RUSC2: variants seen among roughly 807,000 people sequenced by gnomAD.
The protein encoded by RUSC2 is RUN and SH3 domain containing 2, also known as AP-4 complex accessory subunit RUSC2.
A neutral mutation model predicts 122.2 loss-of-function variants in RUSC2; 34 were observed. The observed-to-expected ratio is 0.28, with a 90% confidence interval of 0.21 to 0.37. The LOEUF (loss-of-function observed/expected upper bound fraction) is 0.37. Ranked by LOEUF, RUSC2 falls within the 10% of genes least tolerant of loss-of-function variation. The probability of loss-of-function intolerance (pLI) is 1.00; values close to 1 mark genes in which losing one functional copy is unlikely to be tolerated. For missense variants in RUSC2, 1,747 were observed against 1,952.4 expected, an observed-to-expected ratio of 0.89 and a Z score of 1.98; for synonymous variants, 784 against 790.0, an observed-to-expected ratio of 0.99 and a Z score of 0.13.
At chr9:35,552,879 T>C (rs1259787987) in intron 2 of RUSC2, among the ~76,000 whole-genome samples, 1 of 152,234 alleles carries the variant, frequency 6.6e-6, no homozygotes, top group African/African-American at 2.4e-5. Flanking sequence ...AGGGGCCCCC[T>C]TCTTACCTGA....
chr9:35,496,079 A>G (rs1820707032), intron 1 of RUSC2, among the ~76,000 whole-genome samples: 2 of 152,198 alleles, frequency 1.3e-5, no homozygotes, highest in Non-Finnish European at 2.9e-5. Context: ...GCTAGTAACC[A>G]GAGAAACTCT....
In RUSC2 at chr9:35,558,994, A is replaced by G. The variant is rs569163606; in HGVS notation, c.3342-232A>G. The stretch of plus-strand genomic sequence containing the variant: ...GTACTTTCACACAGTAGCTGCCTTG[A>G]TTTCTTAGGTCTACTGCAGGCTGAC... On this transcript the variant is annotated intron_variant, in intron 8 of 11. Coordinates refer to ENST00000361226, the MANE Select transcript of RUSC2 (RefSeq NM_014806.5). This position sits in a 1 kb window ranked among gnomAD's most constrained non-coding sequence, Gnocchi z 4.3. Among the ~76,000 whole-genome samples, 2 of 152,246 alleles carry G rather than the reference A, an allele frequency of 1.3e-5. No homozygotes were observed. The highest frequency in any genetic ancestry group is 3.9e-4 in the East Asian group (2 of 5,176).
Position 35,560,963 on chromosome 9 carries a change from C to T in RUSC2, c.4215C>T (p.Leu1405=), listed in dbSNP as rs774112136. 1.9e-6 allele frequency: 3 copies of T among 1,613,774 alleles called. No homozygotes were observed. The highest frequency in any genetic ancestry group is 2.5e-6 in the Non-Finnish European group (3 of 1,179,780). The stretch of plus-strand genomic sequence containing the variant: ...TGAGTCCAGCTGCTGTCCCTAGGCT[C>T]CCCTCGGACTGGCTGAGCCTGGACA... ...AQREARPTNR[L]PSDWLSLDKS... Residue 1405 remains leucine (L), a synonymous_variant, in exon 11 of 12, where the codon CTC becomes CTT. Coordinates refer to ENST00000361226, the MANE Select transcript of RUSC2 (RefSeq NM_014806.5).
At chr9:35,552,932 AGAG>A (rs1431491294) in intron 2 of RUSC2, among the ~76,000 whole-genome samples, 1 of 152,176 alleles carries the variant, frequency 6.6e-6, no homozygotes, top group Non-Finnish European at 1.5e-5. Context: ...AACTTAGCAG[AGAG>A]GAGTTTTAAA....
At chr9:35,559,738 A>C (rs761821045) in intron 9 of RUSC2, among the ~76,000 whole-genome samples, 19 of 152,172 alleles carry the variant, frequency 1.2e-4, no homozygotes, top group Non-Finnish European at 1.9e-4. Context: ...CAGTCTCAAA[A>C]AACAAAACAA....
chr9:35,552,617 C>A (rs1821922491), intron 2 of RUSC2, among the ~76,000 whole-genome samples: 1 of 152,148 alleles, frequency 6.6e-6, no homozygotes, highest in Non-Finnish European at 1.5e-5. Context: ...TTCATAGACT[C>A]CAGAAAGAAA....
rs13297492 is a variant in RUSC2 at position 35,522,926 on chromosome 9, C to T, written c.-92-23504C>T. On this transcript the variant is annotated intron_variant, in intron 1 of 11. Coordinates refer to ENST00000361226, the MANE Select transcript of RUSC2 (RefSeq NM_014806.5). ...TCCAAAGATTTGTATGATTTCAATC[C>T]ACCTCTGTCCCTGGTGTACTGAGGT... Among the ~76,000 whole-genome samples the T allele has an allele frequency of 5.5e-3, 838 of 152,272 alleles. 4 individuals carry two copies. The highest frequency in any genetic ancestry group is 8.2e-3 in the Admixed American group (126 of 15,296).
Position 35,560,869 on chromosome 9 carries a change from G to A in RUSC2, c.4211+18G>A. On this transcript the variant is annotated intron_variant, in intron 10 of 11. Coordinates refer to ENST00000361226, the MANE Select transcript of RUSC2 (RefSeq NM_014806.5). Reference sequence around the variant, plus strand: ...ACAAATAGGTGAGAGCCTGCCCATGGTAGGGATGGAGGGAGTAGGGAGCCT... The same window carrying A: ...ACAAATAGGTGAGAGCCTGCCCATGATAGGGATGGAGGGAGTAGGGAGCCT... 1.3e-6 allele frequency: 2 copies of A among 1,553,140 alleles called. No individual in the cohort carries two copies. Among genetic ancestry groups the A allele is most frequent in the South Asian group, 1.2e-5 (1 of 80,092 alleles).
rs200236775 is a variant in RUSC2 at position 35,555,207 on chromosome 9, G to C, written c.2162G>C (p.Ser721Thr). The change falls in exon 3 of 12, where the codon AGC (serine) becomes ACC (threonine). Residue 721 changes from serine to threonine, a missense_variant. By Grantham distance (58) the Ser-to-Thr change is moderately conservative. Transcript: ENST00000361226. This position sits in a 1 kb window ranked among gnomAD's most constrained non-coding sequence, Gnocchi z 4.6. ...RALHSLSQLY[S>T]LSGCSRTQQP... Reference sequence around the variant, plus strand: ...CTCCACAGCCTTTCCCAGCTCTACAGCCTCTCAGGCTGCAGCCGTACACAG... The same window carrying C: ...CTCCACAGCCTTTCCCAGCTCTACACCCTCTCAGGCTGCAGCCGTACACAG... 52 of 1,613,252 alleles carry C rather than the reference G, an allele frequency of 3.2e-5. No homozygotes were observed. In the East Asian group the frequency reaches 1.1e-3, roughly 33 times the overall value.
At position 35,557,301 on chromosome 9, in the gene RUSC2, G is replaced by A. The variant is rs1308166616; in HGVS notation, c.2984-613G>A. On this transcript the variant is annotated intron_variant, in intron 5 of 11. Transcript: ENST00000361226. The surrounding 1 kb of genome is among the most constrained non-coding windows in gnomAD (Gnocchi z 4.6). Reference sequence around the variant, plus strand: ...GCTCAGGGAGAAAGAACCCGGGCAAGAAGGGAAACGGCCACCTTCCTCCAG... The same window carrying A: ...GCTCAGGGAGAAAGAACCCGGGCAAAAAGGGAAACGGCCACCTTCCTCCAG... 6.6e-6 allele frequency among the ~76,000 whole-genome samples: 1 copy of A among 152,186 alleles called. No homozygotes were observed. The highest frequency in any genetic ancestry group is 1.5e-5 in the Non-Finnish European group (1 of 68,024).
chr9:35,533,714 G>T (rs1426062156), intron 1 of RUSC2, among the ~76,000 whole-genome samples: 2 of 152,174 alleles, frequency 1.3e-5, no homozygotes, highest in African/African-American at 4.8e-5. Flanking sequence ...TAAATGGAAT[G>T]AAACAATATG....
chr9:35,503,577 G>T (rs1820856068), intron 1 of RUSC2, among the ~76,000 whole-genome samples: 2 of 152,076 alleles, frequency 1.3e-5, no homozygotes, highest in Non-Finnish European at 2.9e-5. Flanking sequence ...GTGTACATGT[G>T]TCTTTTTCAT....
intron 1 of RUSC2, among the ~76,000 whole-genome samples, chr9:35,500,259 A>G (rs1180694511): frequency 1.4e-5 from 2 of 142,898 alleles, no homozygotes; most frequent in Non-Finnish European, 1.5e-5. Context: ...CACATCTTAC[A>G]TAGATGACAG....
At chr9:35,510,986 TC>T (rs143277857) in intron 1 of RUSC2, among the ~76,000 whole-genome samples, 1,901 of 152,300 alleles carry the variant, frequency 0.012, 46 homozygotes, top group African/African-American at 0.044. Flanking sequence ...CCTCCCAACA[TC>T]TACCCAGAGA....
intron 1 of RUSC2, among the ~76,000 whole-genome samples, chr9:35,518,155 A>T (rs1227519264): frequency 6.6e-6 from 1 of 152,212 alleles, no homozygotes; most frequent in East Asian, 1.9e-4. Context: ...GACCAAGTGG[A>T]TCATCCTTGA....
At position 35,548,261 on chromosome 9, in the gene RUSC2, G is replaced by A; in HGVS notation, c.1740G>A (p.Gln580=). 1 of 1,613,962 alleles carries A rather than the reference G, an allele frequency of 6.2e-7. No homozygotes were observed. The highest frequency in any genetic ancestry group is 8.5e-7 in the Non-Finnish European group (1 of 1,180,014). The change falls in exon 2 of 12, where the codon CAG becomes CAA. Residue 580 remains glutamine, a synonymous_variant. Coordinates refer to ENST00000361226, the MANE Select transcript of RUSC2 (RefSeq NM_014806.5). The surrounding 1 kb of genome is among the most constrained non-coding windows in gnomAD (Gnocchi z 4.5). ...AGTTCTCACCCATCCAAGAAGCCCA[G>A]CAAGATCGGGGGGCCCCACTGGATG... ...SQEFSPIQEA[Q]QDRGAPLDEG...
rs370992312 is a variant in RUSC2, at chr9:35,546,985, T to A, written c.464T>A (p.Val155Glu). 4.4e-5 allele frequency: 70 copies of A among 1,592,230 alleles called. No individual in the cohort carries two copies. The highest frequency in any genetic ancestry group is 5.8e-5 in the Non-Finnish European group (68 of 1,167,644). ...CAGCTGCCACCATCTGGCCCCAGAG[T>A]GGGCAGGCCATGGGGGACAACACGC... ...SFQLPPSGPR[V>E]GRPWGTTRSR... The change falls in exon 2 of 12, where the codon GTG (valine) becomes GAG (glutamate). Residue 155 changes from valine (V) to glutamate (E), a missense_variant. Val to Glu is a moderately radical substitution (Grantham distance 121). Transcript: ENST00000361226. The surrounding 1 kb of genome is among the most constrained non-coding windows in gnomAD (Gnocchi z 4.3).
At chr9:35,542,443 T>G (rs1422472750) in intron 1 of RUSC2, among the ~76,000 whole-genome samples, 2 of 152,108 alleles carry the variant, frequency 1.3e-5, no homozygotes, top group Non-Finnish European at 2.9e-5. Flanking sequence ...CAATTTAAAT[T>G]TAATAAATTA....
At chr9:35,559,972 C>A in intron 9 of RUSC2, 57 bp from the exon 10 acceptor site, 1 of 1,440,538 alleles carries the variant, frequency 6.9e-7, no homozygotes, top group Non-Finnish European at 9.4e-7. Flanking sequence ...TTCAAAGTCC[C>A]ACTTGGGCCA....
Sources: allele counts gnomAD v4.1 joint callset (sites outside exome capture counted in the v4.1 genomes callset), GRCh38; gene constraint gnomAD v4.1.1; non-coding constraint Gnocchi (gnomAD v3.1); transcripts MANE v1.5; gene names NCBI Gene and HGNC (gene_info 2026-07-23, HGNC 2026-07-21).